NEGR1: variants seen among roughly 807,000 people sequenced by gnomAD.
NEGR1 encodes the protein IgLON family member 4.
Under a neutral mutation model 40.9 loss-of-function variants are expected in NEGR1, and 10 were observed. That is an observed-to-expected ratio of 0.24 (90% confidence interval 0.15 to 0.42). NEGR1 has a LOEUF of 0.42. NEGR1 is among the 10% of genes least tolerant of loss of function. The pLI is 1.00. For synonymous variants in NEGR1, 185 were observed against 166.8 expected, an observed-to-expected ratio of 1.11 and a Z score of -0.84; for missense variants, 352 against 438.9, an observed-to-expected ratio of 0.80 and a Z score of 1.77.
intron 6 of NEGR1, among the ~76,000 whole-genome samples, chr1:71,572,893 T>C (rs79449803): frequency 7.5e-4 from 114 of 152,306 alleles, no homozygotes; most frequent in African/African-American, 2.7e-3. Flanking sequence ...ACCATTTAGA[T>C]TGGCTTCCTA....
chr1:72,038,717 C>T (rs971911652), intron 1 of NEGR1, among the ~76,000 whole-genome samples: 3 of 151,900 alleles, frequency 2.0e-5, no homozygotes, highest in African/African-American at 7.2e-5. Context: ...CAAGAAACAA[C>T]ATTAGAAAGA....
At chr1:71,806,195 C>T (rs1657765018) in intron 2 of NEGR1, among the ~76,000 whole-genome samples, 1 of 151,860 alleles carries the variant, frequency 6.6e-6, no homozygotes. Context: ...TTGATTTGGT[C>T]TGGCCAAGAA....
chr1:71,838,506 C>T (rs891240185), intron 2 of NEGR1, among the ~76,000 whole-genome samples: 2 of 152,044 alleles, frequency 1.3e-5, no homozygotes, highest in African/African-American at 4.8e-5. Context: ...GTCATTGATA[C>T]ATTAAGGTGT....
intron 1 of NEGR1, among the ~76,000 whole-genome samples, chr1:72,238,109 A>G (rs1448252970): frequency 6.6e-6 from 1 of 151,854 alleles, no homozygotes; most frequent in Non-Finnish European, 1.5e-5. Flanking sequence ...ATCAATTTCT[A>G]TGACAAATAT....
intron 1 of NEGR1, among the ~76,000 whole-genome samples, chr1:72,010,528 A>G (rs1646646834): frequency 6.6e-6 from 1 of 152,162 alleles, no homozygotes; most frequent in Admixed American, 6.6e-5. Flanking sequence ...CCTTATGTGC[A>G]GTATACAACT....
intron 1 of NEGR1, among the ~76,000 whole-genome samples, chr1:72,067,656 A>G (rs1465016317): frequency 6.6e-6 from 1 of 152,124 alleles, no homozygotes; most frequent in Non-Finnish European, 1.5e-5. Context: ...AACAAGAAAG[A>G]TAGTCAGTGA....
At chr1:71,619,925 T>A (rs1168404824) in intron 4 of NEGR1, among the ~76,000 whole-genome samples, 1 of 152,070 alleles carries the variant, frequency 6.6e-6, no homozygotes, top group Non-Finnish European at 1.5e-5. Flanking sequence ...CTACCAAAGA[T>A]CTTCTTTCTC....
chr1:71,819,399 C>A (rs1327446532), intron 2 of NEGR1, among the ~76,000 whole-genome samples: 1 of 151,824 alleles, frequency 6.6e-6, no homozygotes, highest in Non-Finnish European at 1.5e-5. Context: ...GAACAGTAAT[C>A]CTCTATTTAA....
chr1:71,670,774 G>GT (rs71870204), intron 4 of NEGR1, among the ~76,000 whole-genome samples: 1 of 151,784 alleles, frequency 6.6e-6, no homozygotes, highest in Admixed American at 6.6e-5. Flanking sequence ...CAACAATTCT[G>GT]TTTTTTTCTG....
At chr1:71,754,609 C>T (rs975318724) in intron 3 of NEGR1, among the ~76,000 whole-genome samples, 4 of 152,082 alleles carry the variant, frequency 2.6e-5, no homozygotes, top group African/African-American at 7.2e-5. Flanking sequence ...CACTTTTCTT[C>T]TCTACCTCAC....
chr1:71,861,474 G>C (rs958057688), intron 2 of NEGR1, among the ~76,000 whole-genome samples: 24 of 151,984 alleles, frequency 1.6e-4, no homozygotes, highest in African/African-American at 5.8e-4. Context: ...ACTAAGACTA[G>C]AATCAGATTC....
At chr1:71,526,926 A>G (rs998253038) in intron 6 of NEGR1, among the ~76,000 whole-genome samples, 1 of 151,472 alleles carries the variant, frequency 6.6e-6, no homozygotes, top group African/African-American at 2.4e-5. Flanking sequence ...AAATTATTTG[A>G]AGTTTCCCTC....
At chr1:71,847,571 A>T (rs770861423) in intron 2 of NEGR1, among the ~76,000 whole-genome samples, 2 of 152,200 alleles carry the variant, frequency 1.3e-5, no homozygotes, top group Non-Finnish European at 2.9e-5. Context: ...TGGGGCACCA[A>T]AAGCAGTGCC....
At chr1:72,087,582 G>A (rs1032307883) in intron 1 of NEGR1, among the ~76,000 whole-genome samples, 31 of 151,494 alleles carry the variant, frequency 2.0e-4, no homozygotes, top group Admixed American at 2.0e-3. Flanking sequence ...AACTCTATAA[G>A]AACATATTTG....
intron 6 of NEGR1, among the ~76,000 whole-genome samples, chr1:71,431,615 G>C (rs1646470302): frequency 6.6e-6 from 1 of 151,452 alleles, no homozygotes; most frequent in African/African-American, 2.4e-5. Context: ...TAAATATAAT[G>C]TATACTGGGT....
At chr1:71,712,569 G>A (rs540874307) in intron 3 of NEGR1, among the ~76,000 whole-genome samples, 40 of 152,108 alleles carry the variant, frequency 2.6e-4, no homozygotes, top group South Asian at 8.3e-4. Flanking sequence ...CTTTTCTGGC[G>A]TTTAATTCTT....
At chr1:71,997,534 C>G (rs76027991) in intron 1 of NEGR1, among the ~76,000 whole-genome samples, 3,467 of 152,084 alleles carry the variant, frequency 0.023, 119 homozygotes, top group African/African-American at 0.079. Context: ...CAACTTTCTA[C>G]CCTATAGTCT....
At chr1:71,724,829 T>G (rs971194795) in intron 3 of NEGR1, among the ~76,000 whole-genome samples, 16 of 151,962 alleles carry the variant, frequency 1.1e-4, no homozygotes, top group African/African-American at 2.9e-4. Flanking sequence ...TCTCTCTCAT[T>G]TTCTTCTTTC....
chr1:71,935,207 G>A lies in NEGR1; in HGVS notation c.281C>T (p.Ser94Leu), dbSNP rs770134220. ...KWSVDPRVSI[S>L]TLNKRDYSLQ... is the part of the protein sequence containing the mutation. Reference sequence around the variant, plus strand: ...GCTGTAGTCCCTTTTATTCAATGTTGAAATTGAAACTCGAGGATCCACTGA... The same window carrying A: ...GCTGTAGTCCCTTTTATTCAATGTTAAAATTGAAACTCGAGGATCCACTGA... The change falls in exon 2 of 7, where the codon TCA becomes TTA. Residue 94 changes from serine (S) to leucine (L), a missense_variant. This residue lies in a region of NEGR1 where 30 missense variants were observed against 64.4 expected (regional missense o/e 0.47). Coordinates refer to ENST00000357731, the MANE Select transcript of NEGR1 (RefSeq NM_173808.3). 5 of 1,613,164 alleles carry A rather than the reference G, an allele frequency of 3.1e-6. No homozygotes were observed. The highest frequency in any genetic ancestry group is 4.2e-6 in the Non-Finnish European group (5 of 1,179,250).
Sources: allele counts gnomAD v4.1 joint callset (sites outside exome capture counted in the v4.1 genomes callset), GRCh38; gene constraint gnomAD v4.1.1; regional missense constraint gnomAD v4.1.1; transcripts MANE v1.5; gene names NCBI Gene and HGNC (gene_info 2026-07-23, HGNC 2026-07-21).